The following VARS2 variants were observed in gnomAD, a reference collection of about 807,000 sequenced individuals.
The protein encoded by VARS2 is valine--tRNA ligase, mitochondrial.
A neutral mutation model predicts 154.1 loss-of-function variants in VARS2; 105 were observed. The observed-to-expected ratio is 0.68, with a 90% confidence interval of 0.58 to 0.80. The LOEUF (loss-of-function observed/expected upper bound fraction) is 0.80, where lower values mean the gene tolerates loss of function less well. Ranked by LOEUF, VARS2 falls within the 30% of genes least tolerant of loss-of-function variation. The probability of loss-of-function intolerance (pLI) is 0.00; values close to 1 mark genes in which losing one functional copy is unlikely to be tolerated. For missense variants in VARS2, 1,157 were observed against 1,361.4 expected (o/e 0.85, Z 2.36); for synonymous variants, 483 against 539.5 (o/e 0.90, Z 1.45).
Position 30,923,096 on chromosome 6 carries a change from C to T in VARS2, c.2186-8C>T, listed in dbSNP as rs760043600. The T allele has an allele frequency of 1.2e-6, 2 of 1,612,916 alleles. No homozygotes were observed. The highest frequency in any genetic ancestry group is 1.1e-5 in the South Asian group (1 of 91,066). On this transcript the variant is annotated splice_polypyrimidine_tract_variant and splice_region_variant and intron_variant, in intron 23 of 29. Coordinates refer to ENST00000676266, the MANE Select transcript of VARS2 (RefSeq NM_020442.6). Reference sequence around the variant, plus strand: ...TACATGCAGACTACCTCGATTCTTCCCTTCCAGCGGGCGACTTGCACCTGT... The same window carrying T: ...TACATGCAGACTACCTCGATTCTTCTCTTCCAGCGGGCGACTTGCACCTGT...
intron 21 of VARS2, 27 bp downstream of exon 21, chr6:30,922,581 A>T (rs757878501): frequency 6.4e-7 from 1 of 1,558,526 alleles, no homozygotes; most frequent in South Asian, 1.2e-5. Flanking sequence ...CACTAGAGGG[A>T]CAAGGTTTGC....
At chr6:30,925,436 G>T in intron 27 of VARS2, 51 bp downstream of exon 27, 1 of 1,581,160 alleles carries the variant, frequency 6.3e-7, no homozygotes, top group East Asian at 2.3e-5. Context: ...AAGGGGGCTG[G>T]TGGGGAAAAG....
chr6:30,925,212 C>T (rs1174994480), intron 26 of VARS2, 62 bp from the exon 27 acceptor site: 19 of 1,269,070 alleles, frequency 1.5e-5, no homozygotes, highest in East Asian at 1.3e-4. Context: ...AGAGAGCCAG[C>T]AGGGTTGGTA....
In VARS2 at chr6:30,916,211, G is replaced by T; in HGVS notation, c.633G>T (p.Arg211=). ...ERGVRRHELS[R]EAFLREVWQW... The stretch of plus-strand genomic sequence containing the variant: ...GAGTGAGGAGACATGAGCTGAGCCG[G>T]GAGGCCTTCCTTAGGGAGGTGTGGC... Residue 211 remains arginine, a synonymous_variant, in exon 7 of 30, where the codon CGG becomes CGT. Transcript: ENST00000676266. This position sits in a 1 kb window ranked among gnomAD's most constrained non-coding sequence, Gnocchi z 4.0. 1 of 1,613,790 alleles carries T rather than the reference G, an allele frequency of 6.2e-7. No homozygotes were observed. Among genetic ancestry groups the T allele is most frequent in the East Asian group, 2.2e-5 (1 of 44,866 alleles).
At position 30,914,341 on chromosome 6, in the gene VARS2, C is replaced by T; in HGVS notation, c.-31C>T. The T allele has an allele frequency of 4.9e-6, 6 of 1,236,222 alleles. No individual in the cohort carries two copies. The highest frequency in any genetic ancestry group is 5.1e-6 in the Non-Finnish European group (5 of 987,126). 76.6% of individuals were successfully genotyped at this position (1,236,222 alleles called of 1,614,324 possible). On this transcript the variant is annotated 5_prime_UTR_variant, in exon 1 of 30. Transcript: ENST00000676266. ...GCGCCCTGGGATAGCGGCGGGGCCT[C>T]CTGGTGAGCGCGCGCCGGGGCGGCC...
Position 30,922,117 on chromosome 6 carries a change from C to T in VARS2, c.1808C>T (p.Thr603Ile). The change falls in exon 20 of 30, where the codon ACC becomes ATC. Residue 603 changes from threonine to isoleucine, a missense_variant and splice_region_variant. Coordinates refer to ENST00000676266, the MANE Select transcript of VARS2 (RefSeq NM_020442.6). ...PFSALGWPQE[T>I]PDLARFYPLS... ...TCTTACTGCTCCTCTTCCCCCTAGA[C>T]CCCAGACCTTGCTCGTTTCTACCCC... The T allele has an allele frequency of 6.2e-7, 1 of 1,612,714 alleles. No individual in the cohort carries two copies. The highest frequency in any genetic ancestry group is 8.5e-7 in the Non-Finnish European group (1 of 1,179,878).
chr6:30,916,065 T>C lies in VARS2; in HGVS notation c.573+18T>C, dbSNP rs1794145787. On this transcript the variant is annotated intron_variant, in intron 6 of 29. Coordinates refer to ENST00000676266, the MANE Select transcript of VARS2 (RefSeq NM_020442.6). This position sits in a 1 kb window ranked among gnomAD's most constrained non-coding sequence, Gnocchi z 4.0. The stretch of plus-strand genomic sequence containing the variant: ...CTACACAAGTATGTCTTTTGTTACC[T>C]GTTCCTTTTCTTGGGCAAAAGCAAT... The C allele has an allele frequency of 6.2e-7, 1 of 1,613,034 alleles. No homozygotes were observed. Among genetic ancestry groups the C allele is most frequent in the Non-Finnish European group, 8.5e-7 (1 of 1,179,760 alleles).
chr6:30,914,420 G>A, intron 1 of VARS2, 76 bp downstream of exon 1: 3 of 1,274,254 alleles, frequency 2.4e-6, no homozygotes, highest in Non-Finnish European at 3.0e-6. Context: ...GGATGGGCGG[G>A]AAGGCTTGGC....
intron 1 of VARS2, 21 bp from the exon 2 acceptor site, chr6:30,914,789 C>T (rs1270698368): frequency 6.2e-7 from 1 of 1,604,528 alleles, no homozygotes; most frequent in African/African-American, 1.3e-5. Flanking sequence ...TCCTAATGTG[C>T]TCTCTCTCTA....
Position 30,920,561 on chromosome 6 carries a change from G to A in VARS2, c.1398-107G>A, listed in dbSNP as rs9357103. 0.011 allele frequency: 14,304 copies of A among 1,348,968 alleles called. 590 individuals carry two copies. The East Asian group carries it at 0.15, about 14-fold the overall frequency. 83.6% of individuals were successfully genotyped at this position (1,348,968 alleles called of 1,614,324 possible). ...TACGAGCTCCGTGTCGGTTTTATTCGCTATTGTATCCTCAGTACCAAGGGC... is the reference window on the plus strand; with the variant it reads ...TACGAGCTCCGTGTCGGTTTTATTCACTATTGTATCCTCAGTACCAAGGGC... On this transcript the variant is annotated intron_variant, in intron 14 of 29. Coordinates refer to ENST00000676266, the MANE Select transcript of VARS2 (RefSeq NM_020442.6). The surrounding 1 kb of genome is among the most constrained non-coding windows in gnomAD (Gnocchi z 4.6).
rs751574143 is a variant in VARS2 at position 30,925,682 on chromosome 6, C to T, written c.2924C>T (p.Pro975Leu). 7.6e-5 allele frequency: 123 copies of T among 1,610,842 alleles called. No individual in the cohort carries two copies. Among genetic ancestry groups the T allele is most frequent in the Non-Finnish European group, 9.8e-5 (116 of 1,179,668 alleles). The change falls in exon 28 of 30, where the codon CCA becomes CTA. Residue 975 changes from proline to leucine, a missense_variant. Coordinates refer to ENST00000676266, the MANE Select transcript of VARS2 (RefSeq NM_020442.6). Reference sequence around the variant, plus strand: ...GCTCCCTCCGGCTGGGCCCAGGCTCCACTCAGTGACACGGCTCAAGTCTAC... The same window carrying T: ...GCTCCCTCCGGCTGGGCCCAGGCTCTACTCAGTGACACGGCTCAAGTCTAC... Reference protein sequence around the residue: ...AAAPSGWAQAPLSDTAQVYME... With the variant: ...AAAPSGWAQALLSDTAQVYME...
Position 30,919,998 on chromosome 6 carries a change from A to G in VARS2, c.1166-91A>G. 6.7e-7 allele frequency: 1 copy of G among 1,501,292 alleles called. No individual in the cohort carries two copies. The highest frequency in any genetic ancestry group is 8.9e-7 in the Non-Finnish European group (1 of 1,122,962). 93.0% of individuals were successfully genotyped at this position (1,501,292 alleles called of 1,614,324 possible). A position where few individuals can be genotyped will look rare whatever the true frequency, so the allele number is the denominator to read the frequency against. On this transcript the variant is annotated intron_variant, in intron 12 of 29. Coordinates refer to ENST00000676266, the MANE Select transcript of VARS2 (RefSeq NM_020442.6). This position sits in a 1 kb window ranked among gnomAD's most constrained non-coding sequence, Gnocchi z 4.5. Reference sequence around the variant, plus strand: ...GGGAGGCACAGACAGAGAAAGTCGCAGGGGCTGGGGCGGTGCAGGTGATGA... The same window carrying G: ...GGGAGGCACAGACAGAGAAAGTCGCGGGGGCTGGGGCGGTGCAGGTGATGA...
At position 30,925,377 on chromosome 6, in the gene VARS2, G is replaced by A. The variant is rs752782070; in HGVS notation, c.2777G>A (p.Arg926Gln). ...LRATYQLTKA[R>Q]PRVLLQSSEP... Reference sequence around the variant, plus strand: ...GCCACGTACCAGCTCACCAAAGCCCGGCCCCGAGGTGAGGCAAGGCGGGTC... The same window carrying A: ...GCCACGTACCAGCTCACCAAAGCCCAGCCCCGAGGTGAGGCAAGGCGGGTC... The change falls in exon 27 of 30, where the codon CGG becomes CAG. Residue 926 changes from arginine to glutamine, a missense_variant. Transcript: ENST00000676266. 10 of 1,609,276 alleles carry A rather than the reference G, an allele frequency of 6.2e-6. No homozygotes were observed. The highest frequency in any genetic ancestry group is 1.1e-5 in the South Asian group (1 of 90,798).
In VARS2 at chr6:30,924,392, C is replaced by A. The variant is rs745888348; in HGVS notation, c.2505C>A (p.Pro835=). Residue 835 remains proline, a synonymous_variant, in exon 26 of 30, where the codon CCC becomes CCA. Coordinates refer to ENST00000676266, the MANE Select transcript of VARS2 (RefSeq NM_020442.6). ...CCGTGCTGTGGCACTCGCCCCGCCC[C>A]CTGGGGCCCCCTCAGGTCCTGTTCT... The part of the protein sequence containing the change: ...VKPVLWHSPR[P]LGPPQVLFSC... 1.2e-6 allele frequency: 2 copies of A among 1,612,710 alleles called. No homozygotes were observed. Among genetic ancestry groups the A allele is most frequent in the South Asian group, 2.2e-5 (2 of 91,070 alleles).
rs1311382193 is a variant in VARS2, at chr6:30,920,229, T to G, written c.1293+13T>G. Reference sequence around the variant, plus strand: ...GGACTGGCTGCAGGTGGTACCACCCTATGTTACCCCATCCTTTGGGGGCTC... The same window carrying G: ...GGACTGGCTGCAGGTGGTACCACCCGATGTTACCCCATCCTTTGGGGGCTC... On this transcript the variant is annotated intron_variant, in intron 13 of 29. Transcript: ENST00000676266. This position sits in a 1 kb window ranked among gnomAD's most constrained non-coding sequence, Gnocchi z 4.6. 6.4e-7 allele frequency: 1 copy of G among 1,561,212 alleles called. No individual in the cohort carries two copies. Among genetic ancestry groups the G allele is most frequent in the Non-Finnish European group, 8.7e-7 (1 of 1,153,516 alleles).
In VARS2 at chr6:30,921,028, G is replaced by A; in HGVS notation, c.1480-37G>A. ...TATCTGTGGAGGTGCGGCCGTGCAG[G>A]AAGGGCAACATTGTCTAAAGTCCCC... On this transcript the variant is annotated intron_variant, in intron 15 of 29. Coordinates refer to ENST00000676266, the MANE Select transcript of VARS2 (RefSeq NM_020442.6). The surrounding 1 kb of genome is among the most constrained non-coding windows in gnomAD (Gnocchi z 4.6). 1.9e-6 allele frequency: 3 copies of A among 1,581,558 alleles called. No individual in the cohort carries two copies. Among genetic ancestry groups the A allele is most frequent in the Non-Finnish European group, 2.6e-6 (3 of 1,162,734 alleles).
At position 30,916,324 on chromosome 6, in the gene VARS2, G is replaced by T; in HGVS notation, c.671+75G>T. 7.9e-7 allele frequency: 1 copy of T among 1,265,590 alleles called. No individual in the cohort carries two copies. Among genetic ancestry groups the T allele is most frequent in the Non-Finnish European group, 1.1e-6 (1 of 912,800 alleles). The allele number at this position is 1,265,590 out of a possible 1,614,324, so 78.4% of individuals were successfully genotyped here. The stretch of plus-strand genomic sequence containing the variant: ...CTTGCCTCCCACCACTATCACTCCT[G>T]ACTTGTAATCCTTGGCTCTTCCCGA... On this transcript the variant is annotated intron_variant, in intron 7 of 29. Transcript: ENST00000676266. The surrounding 1 kb of genome is among the most constrained non-coding windows in gnomAD (Gnocchi z 4.0).
chr6:30,921,905 A>G lies in VARS2; in HGVS notation c.1736-20A>G, dbSNP rs1414594796. The stretch of plus-strand genomic sequence containing the variant: ...AGAAGCCAAGGTTCCAACTGTCCCC[A>G]TTCTTTTTCTGTTTCCCAGATCCTG... On this transcript the variant is annotated intron_variant, in intron 18 of 29. Transcript: ENST00000676266. This position sits in a 1 kb window ranked among gnomAD's most constrained non-coding sequence, Gnocchi z 4.6. The G allele has an allele frequency of 1.9e-6, 3 of 1,612,764 alleles. No individual in the cohort carries two copies. Among genetic ancestry groups the G allele is most frequent in the Non-Finnish European group, 2.5e-6 (3 of 1,179,938 alleles).
In VARS2 at chr6:30,917,710, C is replaced by T. The variant is rs1163569601; in HGVS notation, c.889C>T (p.Leu297=). The T allele has an allele frequency of 6.4e-7, 1 of 1,561,750 alleles. No homozygotes were observed. Among genetic ancestry groups the T allele is most frequent in the Non-Finnish European group, 8.7e-7 (1 of 1,152,582 alleles). ...GTGCCTCCAGGTGGAGAACCGGCCC[C>T]TGCCTGGCCACACACAGCTTCGACT... is the stretch of plus-strand genomic sequence containing the variant. ...ISDIEVENRP[L]PGHTQLRLPG... Residue 297 remains leucine (L), a synonymous_variant, in exon 10 of 30, where the codon CTG becomes TTG. Coordinates refer to ENST00000676266, the MANE Select transcript of VARS2 (RefSeq NM_020442.6). This position sits in a 1 kb window ranked among gnomAD's most constrained non-coding sequence, Gnocchi z 4.4.
Sources: gnomAD v4.1 joint callset for allele counts on GRCh38, gnomAD v4.1.1 for gene constraint, Gnocchi (gnomAD v3.1) non-coding constraint, MANE v1.5 for transcripts, NCBI Gene and HGNC (gene_info 2026-07-23, HGNC 2026-07-21) for gene names.